The following FHIT variants were observed in gnomAD, a reference collection of about 807,000 sequenced individuals.
FHIT encodes the protein fragile histidine triad diadenosine triphosphatase.
In FHIT, 19 loss-of-function variants were observed where a neutral mutation model predicts 17.9. The ratio of observed to expected loss-of-function variants is 1.06; its 90% CI spans 0.74 to 1.56. The LOEUF is 1.56. Ranked by LOEUF, FHIT falls within the 40% of genes most tolerant of loss-of-function variation. FHIT has a pLI of 0.00. For synonymous variants in FHIT, 81 were observed against 69.7 expected, an observed-to-expected ratio of 1.16 and a Z score of -0.81; for missense variants, 248 against 189.2, an observed-to-expected ratio of 1.31 and a Z score of -1.82.
chr3:60,484,865 AG>A (rs1167452977), intron 5 of FHIT, among the ~76,000 whole-genome samples: 2 of 152,218 alleles, frequency 1.3e-5, no homozygotes, highest in Non-Finnish European at 2.9e-5. Context: ...CAGAGTGAAC[AG>A]GCAATCTACA....
intron 4 of FHIT, among the ~76,000 whole-genome samples, chr3:60,579,495 G>A (rs1383043588): frequency 1.3e-5 from 2 of 152,082 alleles, no homozygotes; most frequent in Non-Finnish European, 2.9e-5. Context: ...GACTTAGTTA[G>A]TGCCCTGGCA....
intron 2 of FHIT, among the ~76,000 whole-genome samples, chr3:61,066,827 A>T (rs11919495): frequency 0.6 from 90,658 of 151,516 alleles, 27,971 homozygotes; most frequent in Non-Finnish European, 0.65. Context: ...AAAATTTGAA[A>T]GAAAGAGATG....
intron 5 of FHIT, among the ~76,000 whole-genome samples, chr3:60,359,737 G>A (rs958571454): frequency 1.3e-5 from 2 of 152,168 alleles, no homozygotes; most frequent in African/African-American, 4.8e-5. Flanking sequence ...TGAAATTCCA[G>A]TGTATTCCAG....
rs375405814 is a variant in FHIT at position 61,158,571 on chromosome 3, G to C, written c.-164+42046C>G. Among the ~76,000 whole-genome samples, 22 of 152,272 alleles carry C rather than the reference G, an allele frequency of 1.4e-4. No individual in the cohort carries two copies. In the East Asian group the frequency reaches 3.9e-3, roughly 27 times the overall value. On this transcript the variant is annotated intron_variant, in intron 2 of 9. Transcript: ENST00000492590. ...ACATTACGAATATGGTTTCATCTCT[G>C]ACAGAAAGGCCAGAGCACCTGGCAG...
In FHIT at chr3:59,922,340, A is replaced by G; in HGVS notation, c.348+6T>C. 6.2e-7 allele frequency: 1 copy of G among 1,611,990 alleles called. No homozygotes were observed. Among genetic ancestry groups the G allele is most frequent in the Non-Finnish European group, 8.5e-7 (1 of 1,178,100 alleles). On this transcript the variant is annotated splice_donor_region_variant and intron_variant, in intron 8 of 9. Transcript: ENST00000492590. ...CAAACAATAAGATCAGAGAGAACAG[A>G]CCCACCTCCTCATAGATGCTGTCAT...
At chr3:60,331,376 G>A (rs1024156743) in intron 5 of FHIT, among the ~76,000 whole-genome samples, 2 of 151,972 alleles carry the variant, frequency 1.3e-5, no homozygotes, top group African/African-American at 4.8e-5. Context: ...CATTATAACT[G>A]CCCTTTTCAT....
At chr3:60,072,140 A>C (rs1702802314) in intron 5 of FHIT, among the ~76,000 whole-genome samples, 1 of 152,214 alleles carries the variant, frequency 6.6e-6, no homozygotes, top group Admixed American at 6.5e-5. Flanking sequence ...AGAAACCAAG[A>C]GTGTTACCAA....
intron 2 of FHIT, among the ~76,000 whole-genome samples, chr3:61,148,049 A>T (rs565135109): frequency 3.0e-4 from 44 of 146,574 alleles, no homozygotes; most frequent in African/African-American, 7.9e-4. Context: ...AGAAAAGTTT[A>T]AAAAAAAAAA....
At chr3:60,451,397 C>A (rs1160259785) in intron 5 of FHIT, among the ~76,000 whole-genome samples, 1 of 152,172 alleles carries the variant, frequency 6.6e-6, no homozygotes, top group African/African-American at 2.4e-5. Flanking sequence ...CATCCCCCCA[C>A]TTCAATAACC....
rs149668185 is a variant in FHIT at position 60,125,819 on chromosome 3, A to G, written c.104-111667T>C. Among the ~76,000 whole-genome samples the G allele has an allele frequency of 5.3e-5, 8 of 152,268 alleles. No homozygotes were observed. In the South Asian group the frequency reaches 1.0e-3, roughly 20 times the overall value. On this transcript the variant is annotated intron_variant, in intron 5 of 9. Transcript: ENST00000492590. ...CTGGTATAGCAGCTAACACACAGTG[A>G]GTACACTAAAAAAACAATGCTTTGA...
At chr3:60,088,173 A>G (rs1344029482) in intron 5 of FHIT, among the ~76,000 whole-genome samples, 2 of 152,168 alleles carry the variant, frequency 1.3e-5, no homozygotes, top group African/African-American at 4.8e-5. Flanking sequence ...TTGGGAATTA[A>G]CAGATGGAGA....
At chr3:60,809,522 C>T (rs1701505708) in intron 4 of FHIT, among the ~76,000 whole-genome samples, 1 of 152,162 alleles carries the variant, frequency 6.6e-6, no homozygotes, top group South Asian at 2.1e-4. Context: ...CCTCAATTTA[C>T]TGTGATTTGC....
chr3:60,327,982 TGAGAGCTAAAA>T (rs1709780956), intron 5 of FHIT, among the ~76,000 whole-genome samples: 1 of 152,182 alleles, frequency 6.6e-6, no homozygotes, highest in Non-Finnish European at 1.5e-5. Flanking sequence ...CAGAGCCCTG[TGAGAGCTAAAA>T]CATGGAGGAA....
intron 5 of FHIT, among the ~76,000 whole-genome samples, chr3:60,402,361 G>A (rs2107193695): frequency 6.6e-6 from 1 of 152,300 alleles, no homozygotes; most frequent in South Asian, 2.1e-4. Flanking sequence ...CAGTCTGGTT[G>A]GATTCCACTG....
chr3:60,781,843 G>C (rs534493456), intron 4 of FHIT, among the ~76,000 whole-genome samples: 1 of 152,084 alleles, frequency 6.6e-6, no homozygotes, highest in South Asian at 2.1e-4. Context: ...TCATTTTATT[G>C]AATATAGACA....
chr3:61,002,259 C>T (rs534888651), intron 3 of FHIT, among the ~76,000 whole-genome samples: 1 of 152,050 alleles, frequency 6.6e-6, no homozygotes, highest in South Asian at 2.1e-4. Context: ...CAAATTTGTA[C>T]CCTGGTTTTT....
At chr3:60,632,811 G>T (rs1346097622) in intron 4 of FHIT, among the ~76,000 whole-genome samples, 1 of 152,140 alleles carries the variant, frequency 6.6e-6, no homozygotes, top group Non-Finnish European at 1.5e-5. Context: ...TTTTGAGAAT[G>T]GATTTCTTTC....
At chr3:60,872,813 C>G (rs1434699671) in intron 3 of FHIT, among the ~76,000 whole-genome samples, 2 of 152,040 alleles carry the variant, frequency 1.3e-5, no homozygotes, top group Non-Finnish European at 2.9e-5. Context: ...AATTGCTTAA[C>G]TCCTTTCAGG....
intron 2 of FHIT, among the ~76,000 whole-genome samples, chr3:61,129,555 A>T (rs2036707086): frequency 6.6e-6 from 1 of 152,184 alleles, no homozygotes; most frequent in South Asian, 2.1e-4. Context: ...TTCACACCCC[A>T]GGGATCAATT....
Sources: allele counts gnomAD v4.1 joint callset (sites outside exome capture counted in the v4.1 genomes callset), GRCh38; gene constraint gnomAD v4.1.1; transcripts MANE v1.5; gene names NCBI Gene and HGNC (gene_info 2026-07-23, HGNC 2026-07-21).